The following NELL1 variants were observed in gnomAD, a reference collection of about 807,000 sequenced individuals.
NELL1 encodes the protein neural EGFL like 1.
NELL1 carries 76 observed loss-of-function variants against 107.4 expected under a neutral mutation model. The ratio of observed to expected loss-of-function variants is 0.71; its 90% CI spans 0.59 to 0.86. The LOEUF is 0.86. Among genes scored for constraint, NELL1 ranks in the 40% least tolerant of loss-of-function variants. The probability of loss-of-function intolerance (pLI) is 0.00; values close to 1 mark genes in which losing one functional copy is unlikely to be tolerated. For missense variants in NELL1, 1,024 were observed against 1,005.5 expected, an observed-to-expected ratio of 1.02 and a Z score of -0.25; for synonymous variants, 353 against 341.2, an observed-to-expected ratio of 1.03 and a Z score of -0.38.
chr11:21,405,333 T>G (rs1852209626), intron 15 of NELL1, among the ~76,000 whole-genome samples: 1 of 152,030 alleles, frequency 6.6e-6, no homozygotes, highest in Non-Finnish European at 1.5e-5. Context: ...TAAGAGTATT[T>G]TGGCTTTGGT....
In NELL1 at chr11:21,190,013, C is replaced by A. The variant is rs143301256; in HGVS notation, c.1427-39319C>A. On this transcript the variant is annotated intron_variant, in intron 13 of 19. Coordinates refer to ENST00000357134, the MANE Select transcript of NELL1 (RefSeq NM_006157.5). ...TGGTTTCTAGTTTGTTTTGTCAATT[C>A]AATTCACAAGACACAAGTTTCACCC... is the stretch of plus-strand genomic sequence containing the variant. 6.6e-5 allele frequency among the ~76,000 whole-genome samples: 10 copies of A among 151,822 alleles called. 1 individual carries two copies. Among genetic ancestry groups the A allele is most frequent in the African/African-American group, 1.9e-4 (8 of 41,158 alleles).
rs532944316 is a variant in NELL1, at chr11:20,905,071, C to A, written c.604-13111C>A. Reference sequence around the variant, plus strand: ...CCCAGGCAGGTCTCAAACTCCTGGCCTCCAGCAATCCTCTTTCCACAGCCT... The same window carrying A: ...CCCAGGCAGGTCTCAAACTCCTGGCATCCAGCAATCCTCTTTCCACAGCCT... On this transcript the variant is annotated intron_variant, in intron 5 of 19. Transcript: ENST00000357134. Among the ~76,000 whole-genome samples, 13 of 151,744 alleles carry A rather than the reference C, an allele frequency of 8.6e-5. 1 individual carries two copies. The South Asian group carries it at 2.7e-3, about 32-fold the overall frequency.
chr11:21,096,081 A>G lies in NELL1; in HGVS notation c.1301-17508A>G, dbSNP rs79501747. ...ACAGTCTCTCCCACAACATGTGAGA[A>G]TTGAGGATGCAAGTTGGGTGGGGAC... On this transcript the variant is annotated intron_variant, in intron 12 of 19. Coordinates refer to ENST00000357134, the MANE Select transcript of NELL1 (RefSeq NM_006157.5). 7.4e-3 allele frequency among the ~76,000 whole-genome samples: 1,134 copies of G among 152,310 alleles called. 15 individuals are homozygous for G. The highest frequency in any genetic ancestry group is 0.026 in the African/African-American group (1,086 of 41,570).
chr11:20,921,239 A>G (rs2134163405), intron 7 of NELL1, among the ~76,000 whole-genome samples: 1 of 152,308 alleles, frequency 6.6e-6, no homozygotes, highest in East Asian at 1.9e-4. Flanking sequence ...CACTGGCCTT[A>G]GTTTGTCAAC....
At chr11:20,845,306 G>T (rs1252680475) in intron 3 of NELL1, among the ~76,000 whole-genome samples, 1 of 152,114 alleles carries the variant, frequency 6.6e-6, no homozygotes, top group Non-Finnish European at 1.5e-5. Context: ...TTTATAAAGT[G>T]ATCTTTAAGA....
At chr11:21,289,140 C>A (rs967558992) in intron 14 of NELL1, among the ~76,000 whole-genome samples, 2 of 152,172 alleles carry the variant, frequency 1.3e-5, no homozygotes, top group African/African-American at 2.4e-5. Context: ...CAAAGGGGCA[C>A]ATAGGTGAGG....
intron 4 of NELL1, among the ~76,000 whole-genome samples, chr11:20,865,391 A>C (rs1849076863): frequency 6.6e-6 from 1 of 152,158 alleles, no homozygotes; most frequent in Non-Finnish European, 1.5e-5. Context: ...CACCTGCAAT[A>C]ATCCCTCAAG....
At chr11:20,785,000 T>C (rs1856924633) in intron 3 of NELL1, among the ~76,000 whole-genome samples, 2 of 152,302 alleles carry the variant, frequency 1.3e-5, no homozygotes. Flanking sequence ...TGCATTAGGT[T>C]AGTGGTTGAG....
chr11:20,950,352 A>AATACAG (rs1451379474), intron 11 of NELL1, among the ~76,000 whole-genome samples: 1 of 152,234 alleles, frequency 6.6e-6, no homozygotes, highest in Non-Finnish European at 1.5e-5. Flanking sequence ...AACAAAGAGC[A>AATACAG]ATACAGATGA....
intron 14 of NELL1, among the ~76,000 whole-genome samples, chr11:21,280,314 A>G (rs945579907): frequency 3.3e-5 from 5 of 152,212 alleles, no homozygotes; most frequent in Non-Finnish European, 7.3e-5. Context: ...TTCCACCTAC[A>G]TGGTCAACAA....
At chr11:21,238,756 T>C (rs192264785) in intron 14 of NELL1, among the ~76,000 whole-genome samples, 73 of 152,076 alleles carry the variant, frequency 4.8e-4, no homozygotes, top group African/African-American at 1.4e-3. Flanking sequence ...GTTGTAAGAG[T>C]TGTTGCTGAT....
intron 15 of NELL1, among the ~76,000 whole-genome samples, chr11:21,511,918 C>A (rs1855445260): frequency 6.6e-6 from 1 of 152,180 alleles, no homozygotes. Flanking sequence ...GACTAAAATA[C>A]TGTATTGTGT....
intron 12 of NELL1, among the ~76,000 whole-genome samples, chr11:21,072,688 G>A (rs969224643): frequency 5.3e-5 from 8 of 152,144 alleles, no homozygotes; most frequent in African/African-American, 1.9e-4. Flanking sequence ...GTTCATGCCA[G>A]AGAAATCAGT....
intron 5 of NELL1, among the ~76,000 whole-genome samples, chr11:20,902,467 GACAAT>G (rs1849897318): frequency 6.6e-6 from 1 of 152,026 alleles, no homozygotes; most frequent in Non-Finnish European, 1.5e-5. Flanking sequence ...AAAACCATCT[GACAAT>G]GCTATGTGTA....
chr11:21,487,526 A>G (rs1854667950), intron 15 of NELL1, among the ~76,000 whole-genome samples: 1 of 152,138 alleles, frequency 6.6e-6, no homozygotes, highest in Non-Finnish European at 1.5e-5. Flanking sequence ...TGACAGGTAA[A>G]CCATACACAC....
intron 14 of NELL1, among the ~76,000 whole-genome samples, chr11:21,355,448 GT>G (rs1294537546): frequency 2.6e-5 from 4 of 152,176 alleles, no homozygotes; most frequent in African/African-American, 9.7e-5. Context: ...TATGATACAG[GT>G]TCCCTTATTG....
At chr11:20,762,428 G>A (rs1032122599) in intron 2 of NELL1, among the ~76,000 whole-genome samples, 9 of 152,216 alleles carry the variant, frequency 5.9e-5, no homozygotes, top group African/African-American at 2.2e-4. Context: ...TTCATGAGTT[G>A]TGGTGTGCCT....
chr11:21,072,170 G>T (rs187335744), intron 12 of NELL1, among the ~76,000 whole-genome samples: 43 of 152,260 alleles, frequency 2.8e-4, no homozygotes, highest in Admixed American at 2.6e-3. Flanking sequence ...TTCTAATGTG[G>T]CAGGTGAACT....
chr11:20,861,275 T>C (rs535385744), intron 4 of NELL1, among the ~76,000 whole-genome samples: 2 of 152,326 alleles, frequency 1.3e-5, no homozygotes, highest in East Asian at 3.9e-4. Context: ...CATAATGATA[T>C]AGCATTGTAC....
Sources: gnomAD v4.1 joint callset for allele counts (sites outside exome capture counted in the v4.1 genomes callset) on GRCh38, gnomAD v4.1.1 for gene constraint, MANE v1.5 for transcripts, NCBI Gene and HGNC (gene_info 2026-07-23, HGNC 2026-07-21) for gene names.